The following A2ML1 variants were observed in gnomAD, a reference collection of about 807,000 sequenced individuals.
A2ML1 encodes the protein alpha-2-macroglobulin-like protein 1.
A neutral mutation model predicts 181.9 loss-of-function variants in A2ML1; 161 were observed. That is an observed-to-expected ratio of 0.89 (90% CI 0.78 to 1.01). The LOEUF (loss-of-function observed/expected upper bound fraction) is 1.01, where lower values mean the gene tolerates loss of function less well. A2ML1 is among the 50% of genes least tolerant of loss of function. The pLI is 0.00. For synonymous variants in A2ML1, 663 were observed against 666.8 expected (o/e 0.99, Z 0.09); for missense variants, 1,670 against 1,768.1 (o/e 0.94, Z 1.00).
chr12:8,845,379 A>G, intron 12 of A2ML1, 63 bp from the exon 13 acceptor site: 1 of 1,561,504 alleles, frequency 6.4e-7, no homozygotes, highest in Non-Finnish European at 8.8e-7. Context: ...ATGCTCTGGA[A>G]GTTGGTCCAA....
chr12:8,824,726 T>C (rs1942872016), intron 3 of A2ML1, among the ~76,000 whole-genome samples: 1 of 146,846 alleles, frequency 6.8e-6, no homozygotes, highest in Admixed American at 7.0e-5. Flanking sequence ...AAAAAATTTT[T>C]TTCCTTTTAC....
At chr12:8,831,996 C>T (rs754085564) in intron 4 of A2ML1, among the ~76,000 whole-genome samples, 7 of 152,200 alleles carry the variant, frequency 4.6e-5, no homozygotes, top group African/African-American at 1.2e-4. Flanking sequence ...GTGATCCGCC[C>T]GCCTCGGCCT....
chr12:8,879,880 G>C (rs746780598), downstream of A2ML1, among the ~76,000 whole-genome samples: 1 of 152,180 alleles, frequency 6.6e-6, no homozygotes, highest in African/African-American at 2.4e-5. Context: ...TGGTATTACA[G>C]TACTTACAGT....
chr12:8,852,602 A>C lies in A2ML1; in HGVS notation c.2590+266A>C, dbSNP rs1943930326. ...ACAAGGAATACATGGTCATGTAACT[A>C]ATCAAGGACTTACTATAAGAGTCCC... On this transcript the variant is annotated intron_variant, in intron 20 of 35. Coordinates refer to ENST00000299698, the MANE Select transcript of A2ML1 (RefSeq NM_144670.6). The surrounding 1 kb of genome is among the most constrained non-coding windows in gnomAD (Gnocchi z 4.2). Among the ~76,000 whole-genome samples, 1 of 152,258 alleles carries C rather than the reference A, an allele frequency of 6.6e-6. No homozygotes were observed. Among genetic ancestry groups the C allele is most frequent in the Non-Finnish European group, 1.5e-5 (1 of 68,050 alleles).
In A2ML1 at chr12:8,861,308, C is replaced by T. The variant is rs138636296; in HGVS notation, c.3502+11C>T. On this transcript the variant is annotated intron_variant, in intron 28 of 35. Coordinates refer to ENST00000299698, the MANE Select transcript of A2ML1 (RefSeq NM_144670.6). ...AGGCTATCATCTCAGGTATGTTGGT[C>T]CTGTTGAGAGTTCTTTGAAATTGTG... The T allele has an allele frequency of 2.1e-4, 339 of 1,613,372 alleles. 1 individual carries two copies. In the African/African-American group the frequency reaches 4.0e-3, roughly 19 times the overall value.
chr12:8,824,771 C>G (rs1441741193), intron 3 of A2ML1, among the ~76,000 whole-genome samples: 3 of 151,416 alleles, frequency 2.0e-5, no homozygotes, highest in Non-Finnish European at 2.9e-5. Context: ...AATTATTATT[C>G]TATTCTCTAT....
intron 4 of A2ML1, among the ~76,000 whole-genome samples, chr12:8,832,411 G>A (rs1368595348): frequency 6.6e-6 from 1 of 152,192 alleles, no homozygotes; most frequent in Non-Finnish European, 1.5e-5. Context: ...AGGCAGACTG[G>A]TCCCCGGGCA....
chr12:8,826,877 C>T (rs1463920857), intron 3 of A2ML1, among the ~76,000 whole-genome samples: 1 of 152,168 alleles, frequency 6.6e-6, no homozygotes, highest in Non-Finnish European at 1.5e-5. Flanking sequence ...ACTCAGCCTC[C>T]CAAAGTGCTG....
In A2ML1 at chr12:8,868,232, G is replaced by A. The variant is rs375784426; in HGVS notation, c.3936G>A (p.Thr1312=). 21 of 1,613,714 alleles carry A rather than the reference G, an allele frequency of 1.3e-5. No homozygotes were observed. Among genetic ancestry groups the A allele is most frequent in the South Asian group, 9.9e-5 (9 of 90,944 alleles). Residue 1312 remains threonine (T), a splice_region_variant and synonymous_variant, in exon 31 of 36, where the codon ACG becomes ACA. Transcript: ENST00000299698. ...ASGQGCVYVQ[T]VLRYNILPPT... is the part of the protein sequence containing the mutation. Reference sequence around the variant, plus strand: ...GGCTACCTATTTCTTCCTACCAGACGGTGTTGAGATACAATATTCTCCCTC... The same window carrying A: ...GGCTACCTATTTCTTCCTACCAGACAGTGTTGAGATACAATATTCTCCCTC...
downstream of A2ML1, among the ~76,000 whole-genome samples, chr12:8,877,640 C>A (rs77972190): frequency 6.6e-6 from 1 of 152,124 alleles, no homozygotes; most frequent in African/African-American, 2.4e-5. Context: ...CAATGAGATA[C>A]CATCCACACT....
intron 28 of A2ML1, 140 bp from the exon 29 acceptor site, chr12:8,863,654 C>A: frequency 1.3e-6 from 1 of 741,196 alleles, no homozygotes; most frequent in Non-Finnish European, 2.2e-6. Flanking sequence ...AATTAATCAG[C>A]TAAATCTAAG....
At chr12:8,846,314 A>G (rs1377626110) in intron 14 of A2ML1, 92 bp downstream of exon 14, 2 of 1,464,232 alleles carry the variant, frequency 1.4e-6, no homozygotes, top group East Asian at 4.6e-5. Flanking sequence ...AAGTCAGGGA[A>G]AGAAGATAGT....
chr12:8,856,810 G>C (rs941407594), intron 23 of A2ML1, among the ~76,000 whole-genome samples: 2 of 151,306 alleles, frequency 1.3e-5, no homozygotes, highest in African/African-American at 4.9e-5. Context: ...ATTGTAATGT[G>C]TTGTAATGGT....
chr12:8,846,276 T>G (rs1943682999), intron 14 of A2ML1, 54 bp downstream of exon 14: 3 of 1,602,674 alleles, frequency 1.9e-6, no homozygotes, highest in Non-Finnish European at 8.5e-7. Flanking sequence ...GAGAAAGATC[T>G]TGTGTGTGCT....
chr12:8,874,606 T>G, intron 34 of A2ML1, 79 bp downstream of exon 34: 1 of 1,111,394 alleles, frequency 9.0e-7, no homozygotes, highest in East Asian at 2.4e-5. Context: ...CTTCATGGCT[T>G]CTCTCTTAAT....
At chr12:8,848,689 T>G in intron 15 of A2ML1, 31 bp from the exon 16 acceptor site, 1 of 1,553,770 alleles carries the variant, frequency 6.4e-7, no homozygotes, top group South Asian at 1.2e-5. Context: ...ACTATATCAA[T>G]GCTTTATTTC....
At position 8,839,161 on chromosome 12, in the gene A2ML1, G is replaced by T. The variant is rs1209728269; in HGVS notation, c.1019G>T (p.Gly340Val). 1 of 1,613,634 alleles carries T rather than the reference G, an allele frequency of 6.2e-7. No homozygotes were observed. The highest frequency in any genetic ancestry group is 8.5e-7 in the Non-Finnish European group (1 of 1,179,708). Residue 340 changes from glycine to valine, a missense_variant, in exon 10 of 36, where the codon GGA becomes GTA. By Grantham distance (109) the Gly-to-Val change is moderately radical. Coordinates refer to ENST00000299698, the MANE Select transcript of A2ML1 (RefSeq NM_144670.6). The part of the protein sequence containing the change: ...TQNIYISPQM[G>V]SMTFEDTSNF... ...AATATCTACATTTCTCCACAAATGG[G>T]ATCAATGACCTTTGAAGACACCAGC...
chr12:8,858,184 C>G, intron 26 of A2ML1, 82 bp downstream of exon 26: 3 of 1,479,492 alleles, frequency 2.0e-6, no homozygotes, highest in African/African-American at 2.8e-5. Flanking sequence ...CAAAAGAGCA[C>G]TGGCCTGGGA....
chr12:8,841,504 T>A lies in A2ML1; in HGVS notation c.1216T>A (p.Ser406Thr). The change falls in exon 11 of 36, where the codon TCC becomes ACC. Residue 406 changes from serine to threonine, a missense_variant. Physicochemically the swap from Ser to Thr is moderately conservative, Grantham distance 58. Coordinates refer to ENST00000299698, the MANE Select transcript of A2ML1 (RefSeq NM_144670.6). ...CCTAGCTCCCTTTACCTTGGAGACA[T>A]CCGGTTGGAATGGGACAGACGTTTC... ...NGLAPFTLET[S>T]GWNGTDVSLE... 6.2e-7 allele frequency: 1 copy of A among 1,614,082 alleles called. No homozygotes were observed. The highest frequency in any genetic ancestry group is 1.3e-5 in the African/African-American group (1 of 75,022).
Sources: allele counts gnomAD v4.1 joint callset (sites outside exome capture counted in the v4.1 genomes callset), GRCh38; gene constraint gnomAD v4.1.1; non-coding constraint Gnocchi (gnomAD v3.1); transcripts MANE v1.5; gene names NCBI Gene and HGNC (gene_info 2026-07-23, HGNC 2026-07-21).